Variants in P2RY8 observed in about 807,000 individuals in gnomAD.
P2RY8 encodes P2Y receptor family member 8, also known as S-geranylgeranyl-glutathione receptor P2RY8.
Under a neutral mutation model 10.0 loss-of-function variants are expected in P2RY8, and 6 were observed. That is an observed-to-expected ratio of 0.60 (90% confidence interval 0.33 to 1.19). The LOEUF (loss-of-function observed/expected upper bound fraction) is 1.19. Ranked by LOEUF, P2RY8 falls within the 50% of genes most tolerant of loss-of-function variation. The pLI is 0.04. For missense variants in P2RY8, 456 were observed against 542.0 expected (o/e 0.84, Z 1.58); for synonymous variants, 276 against 252.5 (o/e 1.09, Z -0.88).
At chrX:1,510,237 A>G (rs1295913494) in intron 1 of P2RY8, among the ~76,000 whole-genome samples, 2 of 152,186 alleles carry the variant, frequency 1.3e-5, no homozygotes, top group Non-Finnish European at 2.9e-5. Context: ...TCGAATAGCT[A>G]TATCTATTCA....
intron 1 of P2RY8, among the ~76,000 whole-genome samples, chrX:1,480,382 G>T (rs1169667589): frequency 1.9e-5 from 2 of 102,896 alleles, no homozygotes; most frequent in African/African-American, 8.7e-5. Flanking sequence ...ACTGCAGCTT[G>T]CGCTTCCCGG....
At position 1,479,085 on chromosome X, in the gene P2RY8, A is replaced by AAC. The variant is rs1296872505; in HGVS notation, c.-24-12505_-24-12504dup. 5.9e-5 allele frequency among the ~76,000 whole-genome samples: 9 copies of AAC among 152,038 alleles called. No individual in the cohort carries two copies. The South Asian group carries it at 8.3e-4, about 14-fold the overall frequency. ...TAATTTTTAGATCTTCCAATTACAG[A>AAC]ACACACACACACACTTGTTATGAGT... is the stretch of plus-strand genomic sequence containing the variant. On this transcript the variant is annotated intron_variant, in intron 1 of 1. Coordinates refer to ENST00000381297, the MANE Select transcript of P2RY8 (RefSeq NM_178129.5).
At chrX:1,482,441 A>G (rs188836840) in intron 1 of P2RY8, among the ~76,000 whole-genome samples, 208 of 152,232 alleles carry the variant, frequency 1.4e-3, no homozygotes, top group African/African-American at 4.9e-3. Context: ...GTTATGGCAG[A>G]CAGATTCATT....
chrX:1,468,620 G>C (rs1478809825), intron 1 of P2RY8, among the ~76,000 whole-genome samples: 1 of 151,960 alleles, frequency 6.6e-6, no homozygotes, highest in Non-Finnish European at 1.5e-5. Context: ...GTTCTTGGCG[G>C]TGTCTGGCCT....
At chrX:1,470,528 AC>A (rs1351429960) in intron 1 of P2RY8, among the ~76,000 whole-genome samples, 1 of 151,860 alleles carries the variant, frequency 6.6e-6, no homozygotes, top group East Asian at 1.9e-4. Context: ...TCAAAACAAA[AC>A]AAAAACCCTT....
At chrX:1,491,971 A>G (rs1286503625) in intron 1 of P2RY8, among the ~76,000 whole-genome samples, 17 of 152,200 alleles carry the variant, frequency 1.1e-4, no homozygotes, top group African/African-American at 1.7e-4. Context: ...GGCAGTGTGG[A>G]CGTTAGCCCC....
chrX:1,489,496 T>C (rs1335260221), intron 1 of P2RY8, among the ~76,000 whole-genome samples: 2 of 148,604 alleles, frequency 1.3e-5, no homozygotes, highest in African/African-American at 5.0e-5. Context: ...GAATGACACC[T>C]AAGGATTCCT....
At chrX:1,482,957 G>C (rs187570748) in intron 1 of P2RY8, among the ~76,000 whole-genome samples, 5,863 of 151,880 alleles carry the variant, frequency 0.039, 378 homozygotes, top group African/African-American at 0.13. Flanking sequence ...GTGGGGGGAC[G>C]GGGGAGGGAT....
At chrX:1,493,472 G>C (rs1443840529) in intron 1 of P2RY8, among the ~76,000 whole-genome samples, 2 of 142,416 alleles carry the variant, frequency 1.4e-5, no homozygotes, top group Non-Finnish European at 3.1e-5. Flanking sequence ...AGGAGGGAGG[G>C]AGGGAAGGAA....
chrX:1,466,355 C>G lies in P2RY8; in HGVS notation c.204G>C (p.Thr68=). ...SVIFMINLSV[T]DLMLASVLPF... is the part of the protein sequence containing the mutation. ...GCAACACGCTGGCCAGCATCAGGTCCGTGACGCTCAGGTTGATCATGAAGA... is the reference window on the plus strand; with the variant it reads ...GCAACACGCTGGCCAGCATCAGGTCGGTGACGCTCAGGTTGATCATGAAGA... The change falls in exon 2 of 2, where the codon ACG becomes ACC. Residue 68 remains threonine, a synonymous_variant. Coordinates refer to ENST00000381297, the MANE Select transcript of P2RY8 (RefSeq NM_178129.5). 2 of 1,613,818 alleles carry G rather than the reference C, an allele frequency of 1.2e-6. No homozygotes were observed. Among genetic ancestry groups the G allele is most frequent in the Admixed American group, 1.7e-5 (1 of 60,022 alleles).
At chrX:1,509,751 G>GTATCTATCTATCTATCTATCTA (rs1481742595) in intron 1 of P2RY8, among the ~76,000 whole-genome samples, 1 of 78,230 alleles carries the variant, frequency 1.3e-5, no homozygotes, top group African/African-American at 5.9e-5. Flanking sequence ...GTATCTATCT[G>GTATCTATCTATCTATCTATCTA]TCTATCTATC....
rs780706323 is a variant in P2RY8 at position 1,506,666 on chromosome X, G to T, written c.-25+30255C>A. ...CATTTTGGACGTTTGTCACTTGCTG[G>T]CCACTTTCTTTCTTTCTTTTTTTTT... On this transcript the variant is annotated intron_variant, in intron 1 of 1. Coordinates refer to ENST00000381297, the MANE Select transcript of P2RY8 (RefSeq NM_178129.5). 2.0e-5 allele frequency among the ~76,000 whole-genome samples: 3 copies of T among 149,508 alleles called. No homozygotes were observed. The East Asian group carries it at 6.5e-4, about 32-fold the overall frequency.
At chrX:1,536,386 C>T (rs1431956039) in intron 1 of P2RY8, among the ~76,000 whole-genome samples, 9 of 152,052 alleles carry the variant, frequency 5.9e-5, no homozygotes, top group South Asian at 2.1e-4. Context: ...CTCAGCCTCC[C>T]GAGTAGCTGG....
chrX:1,531,926 G>A (rs2092478412), intron 1 of P2RY8, among the ~76,000 whole-genome samples: 1 of 152,158 alleles, frequency 6.6e-6, no homozygotes, highest in Admixed American at 6.6e-5. Flanking sequence ...TAGTGTGGAT[G>A]TGGCGAACAG....
chrX:1,494,823 C>G (rs560327543), intron 1 of P2RY8, among the ~76,000 whole-genome samples: 22 of 152,204 alleles, frequency 1.4e-4, no homozygotes, highest in East Asian at 5.8e-4. Context: ...CTGCCTCAGC[C>G]TCCCAAGTAG....
At chrX:1,533,961 T>C (rs1370512269) in intron 1 of P2RY8, among the ~76,000 whole-genome samples, 1 of 124,228 alleles carries the variant, frequency 8.0e-6, no homozygotes, top group African/African-American at 3.2e-5. Flanking sequence ...TACATAGTTA[T>C]ATATTTATAA....
chrX:1,528,804 T>A (rs73186965), intron 1 of P2RY8, among the ~76,000 whole-genome samples: 12,773 of 147,092 alleles, frequency 0.087, 606 homozygotes, highest in Non-Finnish European at 0.11. Flanking sequence ...GTCTCTTTGA[T>A]TGCGTGTGGG....
At chrX:1,488,057 C>G (rs2080106181) in intron 1 of P2RY8, among the ~76,000 whole-genome samples, 1 of 151,864 alleles carries the variant, frequency 6.6e-6, no homozygotes, top group South Asian at 2.1e-4. Flanking sequence ...TTGCGGTGAG[C>G]CAAGATCGTG....
In P2RY8 at chrX:1,472,025, A is replaced by G. The variant is rs143323441; in HGVS notation, c.-24-5443T>C. ...ATAGGGCTGCCTCAGGAGGCCCTCA[A>G]CCCCAAAGACAGCAAATGGCACTCT... is the stretch of plus-strand genomic sequence containing the variant. On this transcript the variant is annotated intron_variant, in intron 1 of 1. Coordinates refer to ENST00000381297, the MANE Select transcript of P2RY8 (RefSeq NM_178129.5). Among the ~76,000 whole-genome samples, 870 of 152,100 alleles carry G rather than the reference A, an allele frequency of 5.7e-3. 14 individuals carry two copies. The highest frequency in any genetic ancestry group is 0.02 in the African/African-American group (818 of 41,506).
Sources: gnomAD v4.1 joint callset for allele counts (sites outside exome capture counted in the v4.1 genomes callset) on GRCh38, gnomAD v4.1.1 for gene constraint, MANE v1.5 for transcripts, NCBI Gene and HGNC (gene_info 2026-07-23, HGNC 2026-07-21) for gene names.